CNTNAP2: variants seen among roughly 807,000 people sequenced by gnomAD.
CNTNAP2 encodes contactin-associated protein-like 2.
A neutral mutation model predicts 155.2 loss-of-function variants in CNTNAP2; 98 were observed. The ratio of observed to expected loss-of-function variants is 0.63; its 90% confidence interval spans 0.54 to 0.75. The LOEUF (loss-of-function observed/expected upper bound fraction) is 0.75, where lower values mean the gene tolerates loss of function less well. CNTNAP2 is among the 30% of genes least tolerant of loss of function. The pLI is 0.00. For missense variants in CNTNAP2, 1,727 were observed against 1,688.1 expected, an observed-to-expected ratio of 1.02 and a Z score of -0.40; for synonymous variants, 651 against 631.2, an observed-to-expected ratio of 1.03 and a Z score of -0.47.
chr7:146,656,615 G>A (rs904544789), intron 1 of CNTNAP2, among the ~76,000 whole-genome samples: 2 of 152,172 alleles, frequency 1.3e-5, no homozygotes, highest in African/African-American at 2.4e-5. Context: ...GTGTGCCAAT[G>A]TGAGAAAGAA....
intron 3 of CNTNAP2, among the ~76,000 whole-genome samples, chr7:146,968,349 C>CTTT (rs1295938700): frequency 6.6e-6 from 1 of 151,904 alleles, no homozygotes; most frequent in Non-Finnish European, 1.5e-5. Flanking sequence ...AGGATTCCCT[C>CTTT]TTTTTCTATT....
At chr7:146,757,437 ATAAT>A (rs2129183416) in intron 1 of CNTNAP2, among the ~76,000 whole-genome samples, 1 of 152,312 alleles carries the variant, frequency 6.6e-6, no homozygotes, top group East Asian at 1.9e-4. Flanking sequence ...TAAGCAAGTG[ATAAT>A]TAAGTAAGCA....
At chr7:146,549,812 A>C (rs1584976656) in intron 1 of CNTNAP2, among the ~76,000 whole-genome samples, 1 of 151,620 alleles carries the variant, frequency 6.6e-6, no homozygotes, top group Non-Finnish European at 1.5e-5. Flanking sequence ...TTTGCTGAAA[A>C]CTCTTTGCCC....
chr7:147,464,285 G>A (rs1224424449), intron 10 of CNTNAP2, among the ~76,000 whole-genome samples: 1 of 151,834 alleles, frequency 6.6e-6, no homozygotes, highest in Non-Finnish European at 1.5e-5. Flanking sequence ...GGCTAACATG[G>A]TGAAACCCTG....
chr7:147,363,672 T>A (rs774162354), intron 9 of CNTNAP2, among the ~76,000 whole-genome samples: 1 of 152,228 alleles, frequency 6.6e-6, no homozygotes, highest in Non-Finnish European at 1.5e-5. Flanking sequence ...CATTTCCAAT[T>A]CAATTGCCTC....
chr7:146,141,108 A>C (rs955881956), intron 1 of CNTNAP2, among the ~76,000 whole-genome samples: 1 of 152,210 alleles, frequency 6.6e-6, no homozygotes, highest in Non-Finnish European at 1.5e-5. Flanking sequence ...CAGTGGAGGA[A>C]ACGTACTTTG....
Position 146,834,879 on chromosome 7 carries a change from G to T in CNTNAP2, c.209-4832G>T, listed in dbSNP as rs1175116905. Among the ~76,000 whole-genome samples the T allele has an allele frequency of 3.3e-5, 5 of 152,174 alleles. No homozygotes were observed. In the East Asian group the frequency reaches 5.8e-4, roughly 18 times the overall value. On this transcript the variant is annotated intron_variant, in intron 2 of 23. Transcript: ENST00000361727. ...ATTATTAATCCTCGGATCAATAGAG[G>T]TTACACATTTCACAAGCCAAGTAAA...
Position 147,022,499 on chromosome 7 carries a change from CATAT to C in CNTNAP2, c.403-21403_403-21400del, listed in dbSNP as rs534211145. Among the ~76,000 whole-genome samples, 24 of 151,838 alleles carry C rather than the reference CATAT, an allele frequency of 1.6e-4. No individual in the cohort carries two copies. The South Asian group carries it at 4.8e-3, about 30-fold the overall frequency. On this transcript the variant is annotated intron_variant, in intron 3 of 23. Transcript: ENST00000361727. ...ACCTAAATTGTATATATTTATAACA[CATAT>C]ATATGTACTCTATATACACATATAT...
intron 19 of CNTNAP2, among the ~76,000 whole-genome samples, chr7:148,228,771 T>G (rs1300465477): frequency 7.0e-6 from 1 of 143,100 alleles, no homozygotes; most frequent in Non-Finnish European, 1.5e-5. Context: ...GAGCTTACAG[T>G]GAGCCGAGAT....
intron 13 of CNTNAP2, among the ~76,000 whole-genome samples, chr7:147,649,003 C>T (rs1284950153): frequency 1.3e-5 from 2 of 152,164 alleles, no homozygotes; most frequent in Non-Finnish European, 2.9e-5. Flanking sequence ...CGTTTTCCCT[C>T]TTGTCATTTT....
chr7:148,032,151 G>A (rs1802488072), intron 15 of CNTNAP2, among the ~76,000 whole-genome samples: 1 of 152,114 alleles, frequency 6.6e-6, no homozygotes, highest in Non-Finnish European at 1.5e-5. Flanking sequence ...GGGGAAATCC[G>A]CCTGGAAGAG....
chr7:148,108,662 C>T (rs890261961), intron 15 of CNTNAP2, among the ~76,000 whole-genome samples: 2 of 152,004 alleles, frequency 1.3e-5, no homozygotes, highest in Admixed American at 6.5e-5. Flanking sequence ...CTCAGAGAAG[C>T]AGAGAGGAAG....
At chr7:146,727,563 T>C (rs1024214982) in intron 1 of CNTNAP2, among the ~76,000 whole-genome samples, 1 of 152,148 alleles carries the variant, frequency 6.6e-6, no homozygotes, top group Non-Finnish European at 1.5e-5. Flanking sequence ...CCAAATAATT[T>C]GGATAGCCTC....
chr7:147,591,554 A>C (rs1800734622), intron 12 of CNTNAP2, among the ~76,000 whole-genome samples: 1 of 152,122 alleles, frequency 6.6e-6, no homozygotes, highest in South Asian at 2.1e-4. Flanking sequence ...TTCTAATCTA[A>C]TACCTTTCCT....
intron 18 of CNTNAP2, among the ~76,000 whole-genome samples, chr7:148,204,197 G>T (rs1017241734): frequency 6.6e-6 from 1 of 152,166 alleles, no homozygotes; most frequent in South Asian, 2.1e-4. Context: ...TAAGACTGCC[G>T]ATACGATGTG....
intron 3 of CNTNAP2, among the ~76,000 whole-genome samples, chr7:146,934,135 T>C (rs1265909364): frequency 2.0e-5 from 3 of 152,128 alleles, no homozygotes; most frequent in African/African-American, 2.4e-5. Context: ...TAAAGACACA[T>C]GCACACGTAT....
chr7:146,432,523 G>A (rs1464926186), intron 1 of CNTNAP2, among the ~76,000 whole-genome samples: 1 of 151,976 alleles, frequency 6.6e-6, no homozygotes, highest in East Asian at 1.9e-4. Context: ...AATGCTCTTT[G>A]GAGATCAAAA....
intron 3 of CNTNAP2, among the ~76,000 whole-genome samples, chr7:146,953,738 G>T (rs1388925881): frequency 1.3e-5 from 2 of 151,816 alleles, no homozygotes; most frequent in Admixed American, 6.6e-5. Context: ...GAGTACCTGA[G>T]ACAAAGCTAG....
intron 3 of CNTNAP2, among the ~76,000 whole-genome samples, chr7:146,969,818 G>T (rs1290546289): frequency 2.0e-5 from 3 of 152,240 alleles, no homozygotes; most frequent in Non-Finnish European, 4.4e-5. Context: ...TATACTACAA[G>T]GCTACAGTAA....
Sources: gnomAD v4.1 joint callset for allele counts (sites outside exome capture counted in the v4.1 genomes callset) on GRCh38, gnomAD v4.1.1 for gene constraint, MANE v1.5 for transcripts, NCBI Gene and HGNC (gene_info 2026-07-23, HGNC 2026-07-21) for gene names.